Variants in HDAC9 observed in about 807,000 individuals in gnomAD.
HDAC9 encodes the protein histone deacetylase 9.
Under a neutral mutation model 139.4 loss-of-function variants are expected in HDAC9, and 41 were observed. The ratio of observed to expected loss-of-function variants is 0.29; its 90% CI spans 0.23 to 0.38. The LOEUF (loss-of-function observed/expected upper bound fraction) is 0.38, where lower values mean the gene tolerates loss of function less well. HDAC9 is among the 10% of genes least tolerant of loss of function. The pLI is 1.00. For synonymous variants in HDAC9, 517 were observed against 476.2 expected (o/e 1.09, Z -1.12); for missense variants, 1,147 against 1,297.0 (o/e 0.88, Z 1.78).
chr7:18,130,473 A>G (rs576398562), intron 1 of HDAC9, among the ~76,000 whole-genome samples: 16 of 152,164 alleles, frequency 1.1e-4, no homozygotes, highest in East Asian at 1.9e-4. Flanking sequence ...TCATTTTTCA[A>G]CATCCTCATA....
chr7:18,715,795 G>A (rs1223809944), intron 12 of HDAC9, among the ~76,000 whole-genome samples: 2 of 152,038 alleles, frequency 1.3e-5, no homozygotes, highest in Non-Finnish European at 2.9e-5. Context: ...TTAAAGCTGT[G>A]TTTCGTAATA....
intron 1 of HDAC9, among the ~76,000 whole-genome samples, chr7:18,310,938 T>C (rs1799275432): frequency 6.6e-6 from 1 of 152,088 alleles, no homozygotes; most frequent in South Asian, 2.1e-4. Flanking sequence ...TTCAAATTTC[T>C]ATTTCTAAAA....
chr7:18,620,563 G>A (rs1839941977), intron 6 of HDAC9, among the ~76,000 whole-genome samples: 1 of 147,578 alleles, frequency 6.8e-6, no homozygotes, highest in Non-Finnish European at 1.5e-5. Context: ...TAGCAAATTT[G>A]TACATTCATT....
chr7:18,498,836 C>T (rs1387123167), intron 2 of HDAC9, among the ~76,000 whole-genome samples: 1 of 152,038 alleles, frequency 6.6e-6, no homozygotes, highest in Admixed American at 6.6e-5. Flanking sequence ...AACGTATACT[C>T]ACTATTAGAA....
chr7:18,278,539 G>A (rs2128218571), intron 2 of HDAC9, among the ~76,000 whole-genome samples: 1 of 152,238 alleles, frequency 6.6e-6, no homozygotes, highest in East Asian at 1.9e-4. Context: ...ATATAATACA[G>A]ACTTTTCCCT....
chr7:18,701,775 A>T (rs902612283), intron 12 of HDAC9, among the ~76,000 whole-genome samples: 45 of 152,368 alleles, frequency 3.0e-4, no homozygotes, highest in Admixed American at 2.9e-3. Context: ...AGATTCCCAC[A>T]TATCTGTGAT....
chr7:18,789,235 C>T (rs1585040555), intron 16 of HDAC9, among the ~76,000 whole-genome samples: 1 of 151,600 alleles, frequency 6.6e-6, no homozygotes, highest in Non-Finnish European at 1.5e-5. Context: ...TCCTAATCTC[C>T]CTTTCAGCTC....
At chr7:18,385,747 A>G (rs1785863378) in intron 1 of HDAC9, among the ~76,000 whole-genome samples, 1 of 152,184 alleles carries the variant, frequency 6.6e-6, no homozygotes, top group Non-Finnish European at 1.5e-5. Context: ...AACAAACCCA[A>G]TGCACTGAAT....
At chr7:18,597,591 T>A (rs1436998158) in intron 6 of HDAC9, among the ~76,000 whole-genome samples, 1 of 152,168 alleles carries the variant, frequency 6.6e-6, no homozygotes, top group Non-Finnish European at 1.5e-5. Context: ...ATTCTACATA[T>A]GTGGTGATTT....
At chr7:18,877,198 T>C (rs1799382379) in intron 22 of HDAC9, among the ~76,000 whole-genome samples, 1 of 152,178 alleles carries the variant, frequency 6.6e-6, no homozygotes, top group Non-Finnish European at 1.5e-5. Flanking sequence ...CTAGAGATGC[T>C]GCCCCAACAA....
chr7:18,719,331 C>CTTTGTTTTTTTTTTTTT (rs1784951702), intron 12 of HDAC9, among the ~76,000 whole-genome samples: 1 of 73,896 alleles, frequency 1.4e-5, no homozygotes, highest in Non-Finnish European at 2.4e-5. Context: ...TTTTCTCTTC[C>CTTTGTTTTTTTTTTTTT]TTTTTTTTTT....
At chr7:18,980,925 G>A (rs1224503614) in intron 25 of HDAC9, among the ~76,000 whole-genome samples, 1 of 151,818 alleles carries the variant, frequency 6.6e-6, no homozygotes, top group Non-Finnish European at 1.5e-5. Flanking sequence ...CCGGGTTCAA[G>A]CAATTCTCTT....
At chr7:18,105,645 GA>G (rs1783143787) in intron 1 of HDAC9, among the ~76,000 whole-genome samples, 1 of 151,286 alleles carries the variant, frequency 6.6e-6, no homozygotes, top group Admixed American at 6.6e-5. Flanking sequence ...GTGTTGGTAT[GA>G]ATGCAAAATG....
At chr7:18,391,830 GT>G (rs1786515178) in intron 1 of HDAC9, among the ~76,000 whole-genome samples, 1 of 152,176 alleles carries the variant, frequency 6.6e-6, no homozygotes, top group African/African-American at 2.4e-5. Flanking sequence ...GGCAATAGAA[GT>G]TTTTACCATG....
At chr7:18,903,371 C>T (rs1801909350) in intron 22 of HDAC9, among the ~76,000 whole-genome samples, 2 of 152,210 alleles carry the variant, frequency 1.3e-5, no homozygotes, top group South Asian at 2.1e-4. Flanking sequence ...TGGTGTTAGA[C>T]CAAAATCAGG....
At chr7:18,151,584 C>T (rs1050153128) in intron 1 of HDAC9, among the ~76,000 whole-genome samples, 1 of 152,170 alleles carries the variant, frequency 6.6e-6, no homozygotes, top group Non-Finnish European at 1.5e-5. Context: ...AGAAAAGCTG[C>T]AGCCTATATT....
intron 6 of HDAC9, among the ~76,000 whole-genome samples, chr7:18,623,918 G>A (rs917221000): frequency 2.0e-5 from 3 of 152,276 alleles, no homozygotes; most frequent in Admixed American, 2.0e-4. Flanking sequence ...CAGCATGGGC[G>A]ACAGAGCAAG....
intron 12 of HDAC9, among the ~76,000 whole-genome samples, chr7:18,714,005 A>G (rs191336244): frequency 9.8e-5 from 15 of 152,338 alleles, no homozygotes; most frequent in African/African-American, 3.4e-4. Context: ...TTAAATAACA[A>G]TGCTAATTAG....
At chr7:18,680,999 C>A (rs1399990009) in intron 12 of HDAC9, among the ~76,000 whole-genome samples, 1 of 152,016 alleles carries the variant, frequency 6.6e-6, no homozygotes, top group African/African-American at 2.4e-5. Flanking sequence ...CTGTTGCTTT[C>A]TATGGCTTAA....
Sources: gnomAD v4.1 joint callset for allele counts (sites outside exome capture counted in the v4.1 genomes callset) on GRCh38, gnomAD v4.1.1 for gene constraint, MANE v1.5 for transcripts, NCBI Gene and HGNC (gene_info 2026-07-23, HGNC 2026-07-21) for gene names.